The following SCARA3 variants were observed in gnomAD, a reference collection of about 807,000 sequenced individuals.
SCARA3 encodes scavenger receptor class A member 3, also known as cellular stress response gene protein.
In SCARA3, 39 loss-of-function variants were observed where a neutral mutation model predicts 47.0. The ratio of observed to expected loss-of-function variants is 0.83; its 90% CI spans 0.64 to 1.08. SCARA3 has a LOEUF of 1.08. SCARA3 is among the 50% of genes least tolerant of loss of function. The pLI, the probability that SCARA3 is intolerant of heterozygous loss-of-function variation, is 0.00. For missense variants in SCARA3, 724 were observed against 792.3 expected (o/e 0.91, Z 1.04); for synonymous variants, 356 against 334.1 (o/e 1.07, Z -0.71).
chr8:27,656,979 C>A, intron 4 of SCARA3, 99 bp downstream of exon 4: 3 of 774,930 alleles, frequency 3.9e-6, no homozygotes, highest in Non-Finnish European at 6.9e-6. Context: ...CAACCTTCAC[C>A]AGCCTTCTAG....
downstream of SCARA3, among the ~76,000 whole-genome samples, chr8:27,680,287 C>T (rs1346865669): frequency 6.6e-6 from 1 of 151,892 alleles, no homozygotes; most frequent in Admixed American, 6.6e-5. Flanking sequence ...CCAAAAGTTA[C>T]TTCTTTGAAA....
At chr8:27,690,180 G>A in the SCARA3 span, among the ~76,000 whole-genome samples, 7 of 152,074 alleles carry the variant, frequency 4.6e-5, no homozygotes, top group African/African-American at 9.7e-5. Context: ...CCGTGTTGTC[G>A]CAAGAACTGA....
In SCARA3 at chr8:27,672,080, C is replaced by T. The variant is rs1159457709; in HGVS notation, c.*729C>T. ...GCCAAAACTCCAGAGGCAAAGTGGA[C>T]CTGGCAACCACAAGACCCTCCCCAT... On this transcript the variant is annotated 3_prime_UTR_variant, in exon 6 of 6. Coordinates refer to ENST00000301904, the MANE Select transcript of SCARA3 (RefSeq NM_016240.3). 1.0e-6 allele frequency: 1 copy of T among 985,310 alleles called. No individual in the cohort carries two copies. The allele number at this position is 985,310 out of a possible 1,614,324, so 61.0% of individuals were successfully genotyped here. A position where few individuals can be genotyped will look rare whatever the true frequency, so the allele number is the denominator to read the frequency against.
At chr8:27,695,782 GA>G in the SCARA3 span, among the ~76,000 whole-genome samples, 5 of 151,846 alleles carry the variant, frequency 3.3e-5, no homozygotes, top group African/African-American at 1.2e-4. Context: ...CATTGGAAAT[GA>G]AAAAAGTCAT....
chr8:27,637,819 G>C (rs970578108), intron 1 of SCARA3, among the ~76,000 whole-genome samples: 5 of 152,078 alleles, frequency 3.3e-5, no homozygotes, highest in Admixed American at 3.3e-4. Context: ...GGAGGAATCC[G>C]CCCTGCACCG....
At chr8:27,644,890 T>C (rs1801459211) in intron 1 of SCARA3, among the ~76,000 whole-genome samples, 1 of 152,168 alleles carries the variant, frequency 6.6e-6, no homozygotes, top group African/African-American at 2.4e-5. Flanking sequence ...CAGGTGGTAT[T>C]GAAAAGCAAT....
the SCARA3 span, among the ~76,000 whole-genome samples, chr8:27,731,014 C>T: frequency 1.3e-5 from 2 of 150,244 alleles, no homozygotes; most frequent in Admixed American, 1.3e-4. Flanking sequence ...GCTTTGGGGG[C>T]GTTAACAGAG....
At chr8:27,680,066 T>C (rs750489341), downstream of SCARA3, 1 of 152,086 alleles carries the variant, frequency 6.6e-6, no homozygotes, top group Non-Finnish European at 1.5e-5. Flanking sequence ...CCAAAATATG[T>C]TGGATGCAGA....
At chr8:27,652,317 T>G (rs1014388747) in intron 3 of SCARA3, among the ~76,000 whole-genome samples, 3 of 152,196 alleles carry the variant, frequency 2.0e-5, no homozygotes, top group African/African-American at 7.2e-5. Context: ...GCTGACAGAT[T>G]GTGGTAAACT....
chr8:27,687,058 C>T, the SCARA3 span, among the ~76,000 whole-genome samples: 1 of 151,974 alleles, frequency 6.6e-6, no homozygotes, highest in African/African-American at 2.4e-5. Flanking sequence ...CAACCACTTT[C>T]CCCCAGGGGT....
the SCARA3 span, among the ~76,000 whole-genome samples, chr8:27,694,965 G>A: frequency 6.6e-6 from 1 of 152,150 alleles, no homozygotes; most frequent in Non-Finnish European, 1.5e-5. Flanking sequence ...TCACGCATGG[G>A]GTCTTAGATG....
Position 27,660,842 on chromosome 8 carries a change from C to CTAGATAGA in SCARA3, c.1369+1338_1369+1345dup, listed in dbSNP as rs113873031. Reference sequence around the variant, plus strand: ...ATATAGATAGAAGATAGCTAGCTAGCTAGATAGATAGATAGATAGATAGAT... The same window carrying CTAGATAGA: ...ATATAGATAGAAGATAGCTAGCTAGCTAGATAGATAGATAGATAGATAGATAGATAGAT... On this transcript the variant is annotated intron_variant, in intron 5 of 5. Coordinates refer to ENST00000301904, the MANE Select transcript of SCARA3 (RefSeq NM_016240.3). Among the ~76,000 whole-genome samples, 707 of 113,858 alleles carry CTAGATAGA rather than the reference C, an allele frequency of 6.2e-3. 7 individuals are homozygous for CTAGATAGA. Among genetic ancestry groups the CTAGATAGA allele is most frequent in the African/African-American group, 0.02 (635 of 32,292 alleles). The allele number at this position is 113,858 out of a possible 152,430, so 74.7% of individuals were successfully genotyped here. A position where few individuals can be genotyped will look rare whatever the true frequency, so the allele number is the denominator to read the frequency against.
At chr8:27,706,475 T>A in the SCARA3 span, among the ~76,000 whole-genome samples, 1 of 151,584 alleles carries the variant, frequency 6.6e-6, no homozygotes, top group Non-Finnish European at 1.5e-5. Flanking sequence ...TTAGATTTCA[T>A]CCTGAGTCTA....
intron 5 of SCARA3, among the ~76,000 whole-genome samples, chr8:27,668,730 G>A (rs1230967314): frequency 2.6e-5 from 4 of 152,138 alleles, no homozygotes; most frequent in Non-Finnish European, 4.4e-5. Context: ...AGCTGGCATG[G>A]TGGCATGCGC....
At chr8:27,680,734 C>T (rs1027891128), downstream of SCARA3, among the ~76,000 whole-genome samples, 2 of 152,022 alleles carry the variant, frequency 1.3e-5, no homozygotes, top group African/African-American at 2.4e-5. Context: ...TGCAAAAATT[C>T]TTAACAAATT....
Position 27,659,523 on chromosome 8 carries a change from T to A in SCARA3, c.1353T>A (p.Asn451Lys). 1 of 1,608,836 alleles carries A rather than the reference T, an allele frequency of 6.2e-7. No individual in the cohort carries two copies. The highest frequency in any genetic ancestry group is 1.7e-5 in the Admixed American group (1 of 59,796). The change falls in exon 5 of 6, where the codon AAT (asparagine) becomes AAA (lysine). Residue 451 changes from asparagine to lysine, a missense_variant. By Grantham distance (94) the Asn-to-Lys change is moderately conservative. Coordinates refer to ENST00000301904, the MANE Select transcript of SCARA3 (RefSeq NM_016240.3). ...CACAGCATGGAGAAATCCTTCGCAA[T>A]GTCACCATCCTACGAGGTAAGAGCT... The part of the protein sequence containing the change: ...VDTQHGEILR[N>K]VTILRGAPGP...
chr8:27,660,674 A>C (rs1801886310), intron 5 of SCARA3, among the ~76,000 whole-genome samples: 1 of 147,950 alleles, frequency 6.8e-6, no homozygotes, highest in Non-Finnish European at 1.5e-5. Flanking sequence ...AAACAGAATC[A>C]ATAGTGTAGA....
chr8:27,664,237 T>C (rs1801969520), intron 5 of SCARA3, among the ~76,000 whole-genome samples: 1 of 152,214 alleles, frequency 6.6e-6, no homozygotes, highest in African/African-American at 2.4e-5. Flanking sequence ...TAGTAAATAG[T>C]TCTTATGGTT....
At chr8:27,641,613 A>G (rs1285782667) in intron 1 of SCARA3, among the ~76,000 whole-genome samples, 1 of 152,234 alleles carries the variant, frequency 6.6e-6, no homozygotes, top group African/African-American at 2.4e-5. Context: ...GGCAGAACTC[A>G]ACCCTTGGGG....
Sources: allele counts gnomAD v4.1 joint callset (sites outside exome capture counted in the v4.1 genomes callset), GRCh38; gene constraint gnomAD v4.1.1; transcripts MANE v1.5; gene names NCBI Gene and HGNC (gene_info 2026-07-23, HGNC 2026-07-21).